The following SLC25A48 variants were observed in gnomAD, a reference collection of about 807,000 sequenced individuals.
The protein encoded by SLC25A48 is CTC-321K16.1.
SLC25A48 carries 29 observed loss-of-function variants against 32.2 expected under a neutral mutation model. That is an observed-to-expected ratio of 0.90 (90% CI 0.67 to 1.23). The LOEUF (loss-of-function observed/expected upper bound fraction) is 1.23, where lower values mean the gene tolerates loss of function less well. Among genes scored for constraint, SLC25A48 ranks in the 50% most tolerant of loss-of-function variants. The pLI is 0.00. For synonymous variants in SLC25A48, 164 were observed against 172.3 expected (o/e 0.95, Z 0.38); for missense variants, 399 against 422.7 (o/e 0.94, Z 0.49).
At chr5:135,607,106 C>G (rs760283137) in intron 1 of SLC25A48, among the ~76,000 whole-genome samples, 2 of 152,176 alleles carry the variant, frequency 1.3e-5, no homozygotes, top group Admixed American at 6.5e-5. Context: ...TTCTCATGCC[C>G]CATGGCTGCC....
At chr5:135,647,480 C>T (rs989355168) in intron 3 of SLC25A48, among the ~76,000 whole-genome samples, 1 of 151,848 alleles carries the variant, frequency 6.6e-6, no homozygotes, top group Admixed American at 6.5e-5. Flanking sequence ...GCTCTAAAAA[C>T]ATCTTGTCCC....
At chr5:135,805,107 A>G (rs1561501847) in intron 3 of SLC25A48, among the ~76,000 whole-genome samples, 1 of 151,536 alleles carries the variant, frequency 6.6e-6, no homozygotes, top group Non-Finnish European at 1.5e-5. Flanking sequence ...ATAATATTAT[A>G]GGGAGATATT....
At chr5:135,589,915 T>C (rs1295109826) in intron 1 of SLC25A48, among the ~76,000 whole-genome samples, 1 of 152,150 alleles carries the variant, frequency 6.6e-6, no homozygotes, top group Non-Finnish European at 1.5e-5. Flanking sequence ...AATTGGGTCT[T>C]GAACACCTGA....
At chr5:135,821,244 G>C (rs1382272872) in intron 4 of SLC25A48, among the ~76,000 whole-genome samples, 1 of 152,146 alleles carries the variant, frequency 6.6e-6, no homozygotes, top group Non-Finnish European at 1.5e-5. Flanking sequence ...AGCTGGGGAC[G>C]GTGGCTCTGT....
chr5:135,782,982 G>C lies in SLC25A48; in HGVS notation c.-520-29541G>C, dbSNP rs147870235. Among the ~76,000 whole-genome samples the C allele has an allele frequency of 1.6e-3, 177 of 114,150 alleles. 21 individuals are homozygous for C. The highest frequency in any genetic ancestry group is 4.3e-3 in the African/African-American group (164 of 37,966). The allele number at this position is 114,150 out of a possible 152,430, so 74.9% of individuals were successfully genotyped here. A position where few individuals can be genotyped will look rare whatever the true frequency, so the allele number is the denominator to read the frequency against. On this transcript the variant is annotated intron_variant, in intron 3 of 10. Transcript: ENST00000646290. ...TGTGATATTGTTCCTAACATCCAGG[G>C]GGGGAGAATGATATTATTTCCAATA...
intron 1 of SLC25A48, among the ~76,000 whole-genome samples, chr5:135,607,254 A>T (rs530123451): frequency 1.3e-3 from 192 of 152,346 alleles, no homozygotes; most frequent in African/African-American, 4.4e-3. Context: ...TAGCAAAAAT[A>T]GTGGACATCA....
intron 3 of SLC25A48, among the ~76,000 whole-genome samples, chr5:135,688,838 G>A (rs1283256579): frequency 6.6e-6 from 1 of 152,284 alleles, no homozygotes; most frequent in Admixed American, 6.5e-5. Flanking sequence ...AACCCTCACT[G>A]GGAGTCAATG....
At chr5:135,828,514 T>C (rs1405415435) in intron 4 of SLC25A48, among the ~76,000 whole-genome samples, 1 of 152,206 alleles carries the variant, frequency 6.6e-6, no homozygotes, top group Non-Finnish European at 1.5e-5. Flanking sequence ...TCTCAGGTGC[T>C]GAGGAGGATC....
chr5:135,770,995 AGAT>A (rs1756394235), intron 3 of SLC25A48, among the ~76,000 whole-genome samples: 1 of 151,884 alleles, frequency 6.6e-6, no homozygotes, highest in Admixed American at 6.6e-5. Context: ...GAAGAAAAGA[AGAT>A]GATATTACTC....
At chr5:135,792,644 C>T (rs1255369509) in intron 3 of SLC25A48, among the ~76,000 whole-genome samples, 1 of 151,656 alleles carries the variant, frequency 6.6e-6, no homozygotes, top group East Asian at 1.9e-4. Flanking sequence ...TCGTAACATC[C>T]CCGGGAGATA....
chr5:135,692,285 C>T (rs1425599870), intron 3 of SLC25A48, among the ~76,000 whole-genome samples: 1 of 147,492 alleles, frequency 6.8e-6, no homozygotes, highest in African/African-American at 2.5e-5. Context: ...CACCACTGCA[C>T]TCCAGCCTGA....
intron 1 of SLC25A48, among the ~76,000 whole-genome samples, chr5:135,584,299 G>A (rs557764778): frequency 8.5e-5 from 13 of 152,232 alleles, no homozygotes; most frequent in African/African-American, 2.9e-4. Flanking sequence ...AGATATTTCC[G>A]AAGAGGGCCC....
intron 1 of SLC25A48, among the ~76,000 whole-genome samples, chr5:135,622,086 G>A (rs867048607): frequency 6.6e-6 from 1 of 152,184 alleles, no homozygotes; most frequent in African/African-American, 2.4e-5. Flanking sequence ...ATGGAAAAAT[G>A]CCAGACTTCA....
At chr5:135,803,767 C>A (rs1314899772) in intron 3 of SLC25A48, among the ~76,000 whole-genome samples, 2 of 151,376 alleles carry the variant, frequency 1.3e-5, no homozygotes, top group Non-Finnish European at 3.0e-5. Context: ...TGTGTGTATA[C>A]CCACTCCGAT....
intron 3 of SLC25A48, among the ~76,000 whole-genome samples, chr5:135,697,369 G>A (rs1006381744): frequency 6.6e-6 from 1 of 152,172 alleles, no homozygotes; most frequent in African/African-American, 2.4e-5. Context: ...AAGGGTTGTT[G>A]GGCTTGGTAG....
In SLC25A48 at chr5:135,791,033, C is replaced by CAT. The variant is rs543103469; in HGVS notation, c.-520-21487_-520-21486dup. On this transcript the variant is annotated intron_variant, in intron 3 of 10. Coordinates refer to the SLC25A48 transcript ENST00000646290. ...TTCTAATGTCACAGTGTGTGTACAA[C>CAT]ATATGTGTTCACCCTGTGATACTCT... is the stretch of plus-strand genomic sequence containing the variant. Among the ~76,000 whole-genome samples the CAT allele has an allele frequency of 4.6e-5, 7 of 151,914 alleles. No homozygotes were observed. The South Asian group carries it at 1.5e-3, about 31-fold the overall frequency.
At position 135,871,485 on chromosome 5, in the gene SLC25A48, C is replaced by T. The variant is rs1406462634; in HGVS notation, c.446C>T (p.Ala149Val). The T allele has an allele frequency of 6.2e-7, 1 of 1,601,112 alleles. No homozygotes were observed. Among genetic ancestry groups the T allele is most frequent in the Admixed American group, 1.7e-5 (1 of 59,582 alleles). Residue 149 changes from alanine to valine, a missense_variant, in exon 5 of 8, where the codon GCA becomes GTA. Physicochemically the swap from Ala to Val is moderately conservative, Grantham distance 64. Coordinates refer to ENST00000681962, the MANE Select transcript of SLC25A48 (RefSeq NM_001349336.2). Reference sequence around the variant, plus strand: ...GCCAACCTCGGTTTGAAGTCCAGGGCAGTGGCTCCTGCGGAGCAGCCAGCA... The same window carrying T: ...GCCAACCTCGGTTTGAAGTCCAGGGTAGTGGCTCCTGCGGAGCAGCCAGCA... Reference protein sequence around the residue: ...RDANLGLKSRAVAPAEQPAYQ... With the variant: ...RDANLGLKSRVVAPAEQPAYQ...
chr5:135,879,729 A>G (rs544959546), intron 6 of SLC25A48, among the ~76,000 whole-genome samples: 2 of 152,212 alleles, frequency 1.3e-5, no homozygotes, highest in African/African-American at 2.4e-5. Flanking sequence ...CAGCTTACCT[A>G]TAGTATTTAG....
rs77289870 is a variant in SLC25A48, at chr5:135,772,171, T to C, written c.-520-40352T>C. Among the ~76,000 whole-genome samples, 1,334 of 151,696 alleles carry C rather than the reference T, an allele frequency of 8.8e-3. 11 individuals carry two copies. Among genetic ancestry groups the C allele is most frequent in the African/African-American group, 0.028 (1,169 of 41,406 alleles). Reference sequence around the variant, plus strand: ...GTGTGTAAACTCGCTTGTGATATTGTTCGTAATACCCAGGGTGTGAGAGGA... The same window carrying C: ...GTGTGTAAACTCGCTTGTGATATTGCTCGTAATACCCAGGGTGTGAGAGGA... On this transcript the variant is annotated intron_variant, in intron 3 of 10. Coordinates refer to the SLC25A48 transcript ENST00000646290.
Sources: allele counts gnomAD v4.1 joint callset (sites outside exome capture counted in the v4.1 genomes callset), GRCh38; gene constraint gnomAD v4.1.1; transcripts MANE v1.5; gene names NCBI Gene and HGNC (gene_info 2026-07-23, HGNC 2026-07-21).